Variants in HNF4A observed in about 807,000 individuals in gnomAD.
HNF4A encodes hepatocyte nuclear factor 4 alpha.
In HNF4A, 15 loss-of-function variants were observed where a neutral mutation model predicts 52.4. The ratio of observed to expected loss-of-function variants is 0.29; its 90% CI spans 0.19 to 0.44. The LOEUF (loss-of-function observed/expected upper bound fraction) is 0.44. Among genes scored for constraint, HNF4A ranks in the 20% least tolerant of loss-of-function variants. The pLI is 1.00. For synonymous variants in HNF4A, 280 were observed against 264.4 expected, an observed-to-expected ratio of 1.06 and a Z score of -0.57; for missense variants, 479 against 647.2, an observed-to-expected ratio of 0.74 and a Z score of 2.82.
chr20:44,387,657 G>GC lies in HNF4A; in HGVS notation c.50-18401_50-18400insC, dbSNP rs993545663. On this transcript the variant is annotated intron_variant, in intron 1 of 9. Coordinates refer to the HNF4A transcript ENST00000316673. ...TGAAGGGGTGGGGTGGAGGCAGGCGGGGGGGGGGGGAGGCGGGGGGGGCGG... is the reference window on the plus strand; with the variant it reads ...TGAAGGGGTGGGGTGGAGGCAGGCGGCGGGGGGGGGGAGGCGGGGGGGGCGG... Among the ~76,000 whole-genome samples, 52 of 73,658 alleles carry GC rather than the reference G, an allele frequency of 7.1e-4. 4 individuals are homozygous for GC. Among genetic ancestry groups the GC allele is most frequent in the Non-Finnish European group, 1.1e-3 (42 of 38,344 alleles). 48.3% of individuals were successfully genotyped at this position (73,658 alleles called of 152,430 possible). A position where few individuals can be genotyped will look rare whatever the true frequency, so the allele number is the denominator to read the frequency against.
At chr20:44,388,381 ACCC>A (rs1227407354) in intron 1 of HNF4A, among the ~76,000 whole-genome samples, 2 of 76,228 alleles carry the variant, frequency 2.6e-5, no homozygotes, top group African/African-American at 1.9e-4. Context: ...GACCCCCCCC[ACCC>A]CCGTACATTG....
intron 3 of HNF4A, among the ~76,000 whole-genome samples, chr20:44,410,973 C>T (rs1169859777): frequency 6.6e-6 from 1 of 152,044 alleles, no homozygotes; most frequent in East Asian, 1.9e-4. Flanking sequence ...CTGGAAGGGG[C>T]TCCCTGGAAG....
chr20:44,432,970 T>C (rs992523283), downstream of HNF4A: 4 of 152,192 alleles, frequency 2.6e-5, no homozygotes, highest in African/African-American at 9.7e-5. Flanking sequence ...CTTTGTGATG[T>C]GCAGAATGTT....
intron 1 of HNF4A, among the ~76,000 whole-genome samples, chr20:44,394,157 TG>T (rs1307806615): frequency 6.6e-6 from 1 of 152,132 alleles, no homozygotes; most frequent in Non-Finnish European, 1.5e-5. Flanking sequence ...CAGCCAGCCC[TG>T]GGAGGAGGGG....
chr20:44,398,805 T>A (rs1304440919), upstream of HNF4A, among the ~76,000 whole-genome samples: 1 of 152,210 alleles, frequency 6.6e-6, no homozygotes, highest in Non-Finnish European at 1.5e-5. Context: ...TGGTTGATCG[T>A]AGACCTTATT....
chr20:44,401,167 T>C, upstream of HNF4A: 1 of 1,442,170 alleles, frequency 6.9e-7, no homozygotes, highest in Non-Finnish European at 9.1e-7. Flanking sequence ...GGGGGACCGA[T>C]TAACCATTAA....
chr20:44,424,013 T>C lies in HNF4A; in HGVS notation c.893-5T>C, dbSNP rs1449621109. 6.2e-7 allele frequency: 1 copy of C among 1,612,582 alleles called. No homozygotes were observed. The highest frequency in any genetic ancestry group is 8.5e-7 in the Non-Finnish European group (1 of 1,179,798). On this transcript the variant is annotated splice_region_variant and splice_polypyrimidine_tract_variant and intron_variant, in intron 7 of 9. Transcript: ENST00000316099. ...CCCTCCCTTGCCCACCCTCTTCCAT[T>C]GTAGATGCCAAGGGGCTGAGCGATC...
At chr20:44,393,394 C>T (rs961728003) in intron 1 of HNF4A, among the ~76,000 whole-genome samples, 9 of 152,208 alleles carry the variant, frequency 5.9e-5, no homozygotes, top group African/African-American at 1.4e-4. Context: ...GCCCTACCTC[C>T]GGAGCCTTAC....
In HNF4A at chr20:44,428,423, C is replaced by G. The variant is rs1371305710; in HGVS notation, c.1218C>G (p.Asn406Lys). Residue 406 changes from asparagine to lysine, a missense_variant, in exon 9 of 10, where the codon AAC becomes AAG. Asn to Lys is a moderately conservative substitution (Grantham distance 94). Coordinates refer to ENST00000316099, the MANE Select transcript of HNF4A (RefSeq NM_000457.6). Reference sequence around the variant, plus strand: ...TGGGAACCAACGTCATCGTTGCCAACACAATGCCCACTCACCTCAGCAACG... The same window carrying G: ...TGGGAACCAACGTCATCGTTGCCAAGACAATGCCCACTCACCTCAGCAACG... The G allele has an allele frequency of 6.2e-7, 1 of 1,614,192 alleles. No individual in the cohort carries two copies. The highest frequency in any genetic ancestry group is 1.7e-5 in the Admixed American group (1 of 60,030).
intron 1 of HNF4A, among the ~76,000 whole-genome samples, chr20:44,364,082 T>C (rs2146171973): frequency 6.6e-6 from 1 of 152,334 alleles, no homozygotes; most frequent in Middle Eastern, 3.4e-3. Flanking sequence ...TCAGGAAAGA[T>C]GCTGCAGGGT....
At position 44,407,757 on chromosome 20, in the gene HNF4A, T is replaced by TTGTGTG. The variant is rs35406830; in HGVS notation, c.385+312_385+317dup. Among the ~76,000 whole-genome samples, 4,538 of 145,868 alleles carry TTGTGTG rather than the reference T, an allele frequency of 0.031. 134 individuals are homozygous for TTGTGTG. The highest frequency in any genetic ancestry group is 0.081 in the Middle Eastern group (23 of 284). ...TCTGCGCCACCACAAAGCAGCCACG[T>TTGTGTG]TGTGTGTGTGTGTGTGTGTGTGTGT... On this transcript the variant is annotated intron_variant, in intron 3 of 9. Coordinates refer to ENST00000316099, the MANE Select transcript of HNF4A (RefSeq NM_000457.6).
intron 1 of HNF4A, among the ~76,000 whole-genome samples, chr20:44,394,661 G>A (rs1013963738): frequency 6.6e-6 from 1 of 152,166 alleles, no homozygotes; most frequent in African/African-American, 2.4e-5. Context: ...CCAGCACAGG[G>A]GGAACAAGCA....
intron 1 of HNF4A, among the ~76,000 whole-genome samples, chr20:44,365,505 AG>A (rs2062961802): frequency 1.3e-5 from 2 of 152,216 alleles, no homozygotes; most frequent in African/African-American, 4.8e-5. Context: ...TCAATAAAAA[AG>A]TGCATAGATA....
chr20:44,393,222 GGAACATAAACAGGAGGGAT>G (rs1263873115), intron 1 of HNF4A, among the ~76,000 whole-genome samples: 5 of 152,186 alleles, frequency 3.3e-5, no homozygotes, highest in Non-Finnish European at 7.3e-5. Flanking sequence ...GATAAATTCA[GGAACATAAACAGGAGGGAT>G]GAACATAAAC....
At chr20:44,402,273 T>C (rs1196510933) in intron 1 of HNF4A, among the ~76,000 whole-genome samples, 1 of 152,138 alleles carries the variant, frequency 6.6e-6, no homozygotes, top group Admixed American at 6.5e-5. Flanking sequence ...TGTCTGTGGA[T>C]GTTTGTACAT....
intron 7 of HNF4A, 107 bp from the exon 8 acceptor site, chr20:44,423,911 C>A: frequency 9.7e-7 from 1 of 1,028,550 alleles, no homozygotes; most frequent in South Asian, 1.4e-5. Context: ...GCCCACACTG[C>A]TGAAGACTCC....
chr20:44,385,058 TC>T (rs1462940037), intron 1 of HNF4A, among the ~76,000 whole-genome samples: 51 of 120,542 alleles, frequency 4.2e-4, no homozygotes, highest in African/African-American at 1.4e-3. Context: ...AACTCTGTGA[TC>T]TTTTTTTTTT....
intron 8 of HNF4A, 152 bp downstream of exon 8, chr20:44,424,406 A>T: frequency 7.5e-7 from 1 of 1,338,088 alleles, no homozygotes. Context: ...TTTCCTCACC[A>T]GAAAAATGGG....
intron 1 of HNF4A, among the ~76,000 whole-genome samples, chr20:44,369,474 GGA>G (rs1420209227): frequency 6.6e-6 from 1 of 151,708 alleles, no homozygotes; most frequent in Non-Finnish European, 1.5e-5. Context: ...AAATTTAAAA[GGA>G]AAAGAAAATA....
Sources: allele counts gnomAD v4.1 joint callset (sites outside exome capture counted in the v4.1 genomes callset), GRCh38; gene constraint gnomAD v4.1.1; transcripts MANE v1.5; gene names NCBI Gene and HGNC (gene_info 2026-07-23, HGNC 2026-07-21).